Variants in CUEDC1 observed in about 807,000 individuals in gnomAD.
CUEDC1 encodes the protein CUE domain containing 1.
Under a neutral mutation model 43.7 loss-of-function variants are expected in CUEDC1, and 30 were observed. The observed-to-expected ratio is 0.69, with a 90% confidence interval of 0.51 to 0.93. The LOEUF is 0.93. CUEDC1 is among the 40% of genes least tolerant of loss of function. The probability of loss-of-function intolerance (pLI) is 0.00; values close to 1 mark genes in which losing one functional copy is unlikely to be tolerated. For synonymous variants in CUEDC1, 223 were observed against 223.6 expected, an observed-to-expected ratio of 1.00 and a Z score of 0.02; for missense variants, 486 against 549.0, an observed-to-expected ratio of 0.89 and a Z score of 1.15.
At chr17:57,907,028 G>GCACTAC (rs2074536630) in intron 1 of CUEDC1, among the ~76,000 whole-genome samples, 1 of 151,718 alleles carries the variant, frequency 6.6e-6, no homozygotes, top group East Asian at 1.9e-4. Context: ...GCAGAAGGGG[G>GCACTAC]CACTACTCGG....
chr17:57,896,490 GTGTGTGTGT>G lies in CUEDC1; in HGVS notation c.-315-10620_-315-10612del, dbSNP rs2074411393. 1.2e-3 allele frequency among the ~76,000 whole-genome samples: 108 copies of G among 88,378 alleles called. 1 individual carries two copies. The highest frequency in any genetic ancestry group is 3.7e-3 in the African/African-American group (94 of 25,378). 58.0% of individuals were successfully genotyped at this position (88,378 alleles called of 152,430 possible). On this transcript the variant is annotated intron_variant, in intron 1 of 10. Transcript: ENST00000577830. Reference sequence around the variant, plus strand: ...ACTCTACTATAGTGCATTATGGGGTGTGTGTGTGTGTGTGTGTGTGTGTGTGTGTGTGTG... The same window carrying G: ...ACTCTACTATAGTGCATTATGGGGTGGTGTGTGTGTGTGTGTGTGTGTGTG...
chr17:57,905,264 A>AC (rs2074518136), intron 1 of CUEDC1, among the ~76,000 whole-genome samples: 2 of 147,032 alleles, frequency 1.4e-5, no homozygotes, highest in Non-Finnish European at 3.0e-5. Context: ...ACACACACAC[A>AC]CACACACACA....
intron 1 of CUEDC1, among the ~76,000 whole-genome samples, chr17:57,903,872 G>A (rs886292970): frequency 1.3e-5 from 2 of 151,620 alleles, no homozygotes; most frequent in Non-Finnish European, 2.9e-5. Flanking sequence ...AGCGTTCAAG[G>A]CTGCAGTGAG....
intron 1 of CUEDC1, among the ~76,000 whole-genome samples, chr17:57,898,325 T>A (rs1164827617): frequency 6.6e-6 from 1 of 151,804 alleles, no homozygotes; most frequent in Non-Finnish European, 1.5e-5. Flanking sequence ...GGGCTGGGGG[T>A]CTGGCCAGGA....
rs2074285016 is a variant in CUEDC1, at chr17:57,885,887, CGAAAGA to C, written c.-315-14_-315-9del. The stretch of plus-strand genomic sequence containing the variant: ...TTTCACGGATGGTCCCACCTGAAAC[CGAAAGA>C]GATGGAGTCAGGGCCGAGGCTAACA... On this transcript the variant is annotated splice_polypyrimidine_tract_variant and intron_variant, in intron 1 of 10. Coordinates refer to ENST00000577830, the MANE Select transcript of CUEDC1 (RefSeq NM_001271875.2). 8.5e-6 allele frequency: 2 copies of C among 235,450 alleles called. No individual in the cohort carries two copies. The highest frequency in any genetic ancestry group is 1.6e-5 in the Non-Finnish European group (2 of 122,754). The allele number at this position is 235,450 out of a possible 1,614,324, so 14.6% of individuals were successfully genotyped here.
At chr17:57,932,280 T>TAAAAAAA (rs2074812174) in intron 1 of CUEDC1, among the ~76,000 whole-genome samples, 1 of 65,032 alleles carries the variant, frequency 1.5e-5, no homozygotes, top group Non-Finnish European at 2.7e-5. Flanking sequence ...ACACTGTGTC[T>TAAAAAAA]CAAAAAAAAA....
At chr17:57,881,830 C>CAG (rs1555658461) in intron 2 of CUEDC1, among the ~76,000 whole-genome samples, 5 of 152,192 alleles carry the variant, frequency 3.3e-5, no homozygotes, top group African/African-American at 7.2e-5. Context: ...CAAGACCAGA[C>CAG]AGACGTTCAT....
intron 1 of CUEDC1, among the ~76,000 whole-genome samples, chr17:57,931,822 G>T (rs2074806545): frequency 1.3e-5 from 2 of 152,098 alleles, no homozygotes; most frequent in Non-Finnish European, 2.9e-5. Context: ...GGATTGCAGA[G>T]GACTCCCGTG....
intron 1 of CUEDC1, among the ~76,000 whole-genome samples, chr17:57,913,159 C>T (rs1389445197): frequency 6.6e-6 from 1 of 152,116 alleles, no homozygotes; most frequent in African/African-American, 2.4e-5. Context: ...AACCCCGCCT[C>T]TACTAAAAAT....
At chr17:57,946,293 A>C (rs1364815940) in intron 1 of CUEDC1, among the ~76,000 whole-genome samples, 1 of 152,232 alleles carries the variant, frequency 6.6e-6, no homozygotes, top group African/African-American at 2.4e-5. Flanking sequence ...TTTTCAAAAT[A>C]AAATGAATTT....
At chr17:57,896,487 G>GGGGGGGGGGTGT (rs375270781) in intron 1 of CUEDC1, among the ~76,000 whole-genome samples, 18 of 130,368 alleles carry the variant, frequency 1.4e-4, no homozygotes, top group South Asian at 2.5e-4. Flanking sequence ...TGCATTATGG[G>GGGGGGGGGGTGT]GTGTGTGTGT....
intron 1 of CUEDC1, among the ~76,000 whole-genome samples, chr17:57,920,461 G>A (rs536241517): frequency 1.4e-3 from 219 of 152,052 alleles, no homozygotes; most frequent in African/African-American, 5.2e-3. Flanking sequence ...AGATGGTTAG[G>A]GATTATAATA....
At chr17:57,878,865 C>G (rs2074166109) in intron 3 of CUEDC1, among the ~76,000 whole-genome samples, 1 of 152,094 alleles carries the variant, frequency 6.6e-6, no homozygotes, top group African/African-American at 2.4e-5. Context: ...TGGGGTTTCA[C>G]CATGTTGGCC....
At chr17:57,942,977 G>A (rs1252395232) in intron 1 of CUEDC1, among the ~76,000 whole-genome samples, 2 of 152,046 alleles carry the variant, frequency 1.3e-5, no homozygotes, top group East Asian at 1.9e-4. Context: ...GCAGTGAGCC[G>A]AGATCGCGCC....
At chr17:57,868,992 G>C in intron 7 of CUEDC1, 130 bp downstream of exon 7, 1 of 882,076 alleles carries the variant, frequency 1.1e-6, no homozygotes, top group East Asian at 2.7e-5. Flanking sequence ...GCCAGCCTGC[G>C]ATGAAAATGT....
intron 3 of CUEDC1, 99 bp downstream of exon 3, chr17:57,879,512 A>C (rs1597977686): frequency 7.0e-7 from 1 of 1,430,370 alleles, no homozygotes; most frequent in Non-Finnish European, 9.2e-7. Flanking sequence ...TTTGAAATAT[A>C]CTGAGCAGTC....
chr17:57,938,452 T>C lies in CUEDC1; in HGVS notation c.-316+16773A>G, dbSNP rs116081390. On this transcript the variant is annotated intron_variant, in intron 1 of 10. Transcript: ENST00000577830. ...ACTTTTAAATTCTCCCTCACAGCGT[T>C]ATAATCCTTCCCATGCCCCTTTAGG... is the stretch of plus-strand genomic sequence containing the variant. Among the ~76,000 whole-genome samples, 952 of 152,082 alleles carry C rather than the reference T, an allele frequency of 6.3e-3. 5 individuals are homozygous for C. The highest frequency in any genetic ancestry group is 0.022 in the African/African-American group (920 of 41,494).
intron 1 of CUEDC1, among the ~76,000 whole-genome samples, chr17:57,919,069 T>C (rs1187118664): frequency 6.6e-6 from 1 of 151,976 alleles, no homozygotes; most frequent in Non-Finnish European, 1.5e-5. Flanking sequence ...GCCAGGCTGG[T>C]CTCGAACTCC....
At chr17:57,936,979 TC>T (rs1253464760) in intron 1 of CUEDC1, among the ~76,000 whole-genome samples, 1 of 151,808 alleles carries the variant, frequency 6.6e-6, no homozygotes, top group African/African-American at 2.4e-5. Context: ...CACCACCACG[TC>T]AAGCTAATTT....
Sources: gnomAD v4.1 joint callset for allele counts (sites outside exome capture counted in the v4.1 genomes callset) on GRCh38, gnomAD v4.1.1 for gene constraint, MANE v1.5 for transcripts, NCBI Gene and HGNC (gene_info 2026-07-23, HGNC 2026-07-21) for gene names.